DSG2: variants seen among roughly 807,000 people sequenced by gnomAD.
DSG2 encodes the protein desmoglein-2.
Under a neutral mutation model 75.6 loss-of-function variants are expected in DSG2, and 45 were observed. The observed-to-expected ratio is 0.60, with a 90% CI of 0.47 to 0.76. The LOEUF (loss-of-function observed/expected upper bound fraction) is 0.76. DSG2 is among the 30% of genes least tolerant of loss of function. The pLI, the probability that DSG2 is intolerant of heterozygous loss-of-function variation, is 0.00. For missense variants in DSG2, 1,267 were observed against 1,357.4 expected (o/e 0.93, Z 1.05); for synonymous variants, 429 against 483.9 (o/e 0.89, Z 1.49).
rs952548028 is a variant in DSG2 at position 31,546,753 on chromosome 18, A to G, written c.*10A>G. The G allele has an allele frequency of 1.2e-6, 2 of 1,613,180 alleles. No homozygotes were observed. The highest frequency in any genetic ancestry group is 2.7e-5 in the African/African-American group (2 of 74,912). ...GCATTCTTACTCCTAAACAGCAGTC[A>G]GCCACAAACTGACCCAGAGTTTAAT... On this transcript the variant is annotated 3_prime_UTR_variant, in exon 15 of 15. Coordinates refer to ENST00000261590, the MANE Select transcript of DSG2 (RefSeq NM_001943.5).
rs1454452100 is a variant in DSG2 at position 31,524,573 on chromosome 18, A to ATATTG, written c.816_817insTATTG (p.Glu273TyrfsTer18). On this transcript the variant is annotated frameshift_variant, in exon 7 of 15. Transcript: ENST00000261590. LOFTEE classifies it high-confidence loss of function. The stretch of plus-strand genomic sequence containing the variant: ...ATGTCAATGACAATATACCTGTAGT[A>ATATTG]GAAAATAAAGTGGTAACTATTATTC... The ATATTG allele has an allele frequency of 6.2e-7, 1 of 1,614,010 alleles. No individual in the cohort carries two copies. The highest frequency in any genetic ancestry group is 8.5e-7 in the Non-Finnish European group (1 of 1,179,884).
At chr18:31,536,058 G>A in intron 10 of DSG2, 144 bp from the exon 11 acceptor site, 1 of 735,128 alleles carries the variant, frequency 1.4e-6, no homozygotes, top group Admixed American at 2.1e-5. Context: ...ATATTACTTG[G>A]TCCAAATTTG....
chr18:31,522,046 T>C (rs2073130964), intron 5 of DSG2, 37 bp from the exon 6 acceptor site: 7 of 1,597,042 alleles, frequency 4.4e-6, no homozygotes, highest in Non-Finnish European at 6.0e-6. Context: ...TGCTTAAAGT[T>C]GAATTTCATC....
At chr18:31,541,440 T>G in intron 13 of DSG2, 126 bp downstream of exon 13, 1 of 1,263,080 alleles carries the variant, frequency 7.9e-7, no homozygotes, top group South Asian at 1.3e-5. Context: ...CATGTGCCTT[T>G]GTTAAGCAAA....
In DSG2 at chr18:31,531,100, G is replaced by A. The variant is rs760119108; in HGVS notation, c.1128G>A (p.Lys376=). The change falls in exon 9 of 15, where the codon AAG becomes AAA. Residue 376 remains lysine, a synonymous_variant. Coordinates refer to ENST00000261590, the MANE Select transcript of DSG2 (RefSeq NM_001943.5). The part of the protein sequence containing the change: ...SKYKPTPIPI[K]VKVKNVKEGI... ...ACAAGCCTACACCCATTCCCATCAA[G>A]GTCAAAGTGAAAAATGTGAAAGAAG... The A allele has an allele frequency of 1.2e-6, 2 of 1,613,998 alleles. No homozygotes were observed. The highest frequency in any genetic ancestry group is 2.2e-5 in the South Asian group (2 of 91,072).
At position 31,546,747 on chromosome 18, in the gene DSG2, G is replaced by A; in HGVS notation, c.*4G>A. 1 of 1,613,776 alleles carries A rather than the reference G, an allele frequency of 6.2e-7. No individual in the cohort carries two copies. The highest frequency in any genetic ancestry group is 1.7e-5 in the Admixed American group (1 of 60,026). On this transcript the variant is annotated 3_prime_UTR_variant, in exon 15 of 15. Coordinates refer to ENST00000261590, the MANE Select transcript of DSG2 (RefSeq NM_001943.5). ...TGTACAGCATTCTTACTCCTAAACAGCAGTCAGCCACAAACTGACCCAGAG... is the reference window on the plus strand; with the variant it reads ...TGTACAGCATTCTTACTCCTAAACAACAGTCAGCCACAAACTGACCCAGAG...
At chr18:31,536,174 T>A in intron 10 of DSG2, 28 bp from the exon 11 acceptor site, 1 of 1,606,038 alleles carries the variant, frequency 6.2e-7, no homozygotes, top group Non-Finnish European at 8.5e-7. Context: ...GAACAGAATG[T>A]ACATACTTTT....
At chr18:31,504,847 C>T (rs1237254462) in intron 1 of DSG2, among the ~76,000 whole-genome samples, 1 of 152,176 alleles carries the variant, frequency 6.6e-6, no homozygotes, top group Non-Finnish European at 1.5e-5. Flanking sequence ...AGACTGAAAA[C>T]GTTGGCACCC....
At chr18:31,539,332 C>T (rs1032524266) in intron 12 of DSG2, among the ~76,000 whole-genome samples, 3 of 152,120 alleles carry the variant, frequency 2.0e-5, no homozygotes, top group Non-Finnish European at 4.4e-5. Context: ...ATGTAGTAAG[C>T]GCTCAAAAAA....
chr18:31,515,257 C>T (rs1026895050), intron 1 of DSG2, among the ~76,000 whole-genome samples: 2 of 152,116 alleles, frequency 1.3e-5, no homozygotes, highest in Non-Finnish European at 2.9e-5. Flanking sequence ...CACCCACCAC[C>T]ACGGGCAGCT....
At position 31,542,628 on chromosome 18, in the gene DSG2, A is replaced by G. The variant is rs141388237; in HGVS notation, c.2110A>G (p.Ile704Val). The change falls in exon 14 of 15, where the codon ATT (isoleucine) becomes GTT (valine). Residue 704 changes from isoleucine (I) to valine (V), a missense_variant. By Grantham distance (29) the Ile-to-Val change is conservative. Transcript: ENST00000261590. Reference sequence around the variant, plus strand: ...GATGAAAGGAAGTAGCTCTGCTTCCATTGTCAAAGGGCAACATGAGATGTC... The same window carrying G: ...GATGAAAGGAAGTAGCTCTGCTTCCGTTGTCAAAGGGCAACATGAGATGTC... Reference protein sequence around the residue: ...ATMKGSSSASIVKGQHEMSEM... With the variant: ...ATMKGSSSASVVKGQHEMSEM... 2.4e-5 allele frequency: 38 copies of G among 1,614,134 alleles called. No homozygotes were observed. Among genetic ancestry groups the G allele is most frequent in the Non-Finnish European group, 3.1e-5 (37 of 1,180,018 alleles).
Position 31,498,197 on chromosome 18 carries a change from G to C in DSG2, c.-55G>C, listed in dbSNP as rs551539015. The stretch of plus-strand genomic sequence containing the variant: ...CCAGGGAGGAGCCGAGTGCGCGCTC[G>C]GGGCAGGCGGCGGCGCGGAGCGGTG... On this transcript the variant is annotated 5_prime_UTR_variant, in exon 1 of 15. Coordinates refer to ENST00000261590, the MANE Select transcript of DSG2 (RefSeq NM_001943.5). 2,730 of 1,226,226 alleles carry C rather than the reference G, an allele frequency of 2.2e-3. 8 individuals are homozygous for C. The highest frequency in any genetic ancestry group is 2.5e-3 in the Non-Finnish European group (2,489 of 980,704). The allele number at this position is 1,226,226 out of a possible 1,614,324, so 76.0% of individuals were successfully genotyped here.
intron 1 of DSG2, among the ~76,000 whole-genome samples, chr18:31,506,460 C>T (rs1326386755): frequency 6.6e-6 from 1 of 152,176 alleles, no homozygotes; most frequent in Non-Finnish European, 1.5e-5. Flanking sequence ...TTATTTGAGA[C>T]CAATGAAACG....
intron 13 of DSG2, 166 bp from the exon 14 acceptor site, chr18:31,542,354 T>A: frequency 1.4e-6 from 1 of 706,206 alleles, no homozygotes; most frequent in Non-Finnish European, 2.5e-6. Context: ...AAAGGAGATC[T>A]TCATAAGACT....
At chr18:31,533,581 T>G (rs1465454100) in intron 9 of DSG2, among the ~76,000 whole-genome samples, 1 of 152,246 alleles carries the variant, frequency 6.6e-6, no homozygotes, top group Admixed American at 6.5e-5. Context: ...GAAGATTTCT[T>G]AAATGAGATT....
chr18:31,522,160 G>T lies in DSG2; in HGVS notation c.601G>T (p.Val201Leu), dbSNP rs184100321. The T allele has an allele frequency of 1.2e-6, 2 of 1,613,708 alleles. No homozygotes were observed. Among genetic ancestry groups the T allele is most frequent in the Non-Finnish European group, 1.7e-6 (2 of 1,179,688 alleles). The change falls in exon 6 of 15, where the codon GTA becomes TTA. Residue 201 changes from valine to leucine, a missense_variant. By Grantham distance (32) the Val-to-Leu change is conservative. Transcript: ENST00000261590. ...GAATTCGAAAATTTCCTATAGAATC[G>T]TATCTCTGGAGCCTGCTTATCCTCC... The part of the protein sequence containing the change: ...TLNSKISYRI[V>L]SLEPAYPPVF...
intron 1 of DSG2, among the ~76,000 whole-genome samples, chr18:31,499,463 T>G (rs1164933159): frequency 6.6e-6 from 1 of 152,050 alleles, no homozygotes; most frequent in East Asian, 1.9e-4. Flanking sequence ...GCATGATAAT[T>G]AGGGCGTCCA....
At position 31,548,417 on chromosome 18, in the gene DSG2, G is replaced by A. The variant is rs115630812; in HGVS notation, c.*1674G>A. 361 of 151,526 alleles carry A rather than the reference G, an allele frequency of 2.4e-3. 1 individual carries two copies. Among genetic ancestry groups the A allele is most frequent in the African/African-American group, 8.5e-3 (351 of 41,128 alleles). 9.4% of individuals were successfully genotyped at this position (151,526 alleles called of 1,614,324 possible). Reference sequence around the variant, plus strand: ...AGATTTTAAAAAATATTGTTGAATGGTGTCATGCAAAGGATTTATATAGTG... The same window carrying A: ...AGATTTTAAAAAATATTGTTGAATGATGTCATGCAAAGGATTTATATAGTG... On this transcript the variant is annotated 3_prime_UTR_variant, in exon 15 of 15. Transcript: ENST00000261590.
At position 31,547,656 on chromosome 18, in the gene DSG2, A is replaced by T. The variant is rs1443291201; in HGVS notation, c.*913A>T. The T allele has an allele frequency of 6.6e-6, 1 of 151,404 alleles. No homozygotes were observed. Among genetic ancestry groups the T allele is most frequent in the Non-Finnish European group, 1.5e-5 (1 of 67,920 alleles). The allele number at this position is 151,404 out of a possible 1,614,324, so 9.4% of individuals were successfully genotyped here. A position where few individuals can be genotyped will look rare whatever the true frequency, so the allele number is the denominator to read the frequency against. On this transcript the variant is annotated 3_prime_UTR_variant, in exon 15 of 15. Coordinates refer to ENST00000261590, the MANE Select transcript of DSG2 (RefSeq NM_001943.5). The stretch of plus-strand genomic sequence containing the variant: ...CGCACCATTGCACTCCAGTCTGGGC[A>T]ACAGAGTGAGATTCCGTCTCAAAAA...
Sources: gnomAD v4.1 joint callset for allele counts (sites outside exome capture counted in the v4.1 genomes callset) on GRCh38, gnomAD v4.1.1 for gene constraint, MANE v1.5 for transcripts, NCBI Gene and HGNC (gene_info 2026-07-23, HGNC 2026-07-21) for gene names.